CNKSR2: variants seen among roughly 807,000 people sequenced by gnomAD.
CNKSR2 encodes connector enhancer of kinase suppressor of Ras 2.
CNKSR2 carries 14 observed loss-of-function variants against 84.4 expected under a neutral mutation model. The ratio of observed to expected loss-of-function variants is 0.17; its 90% confidence interval spans 0.11 to 0.26. CNKSR2 has a LOEUF of 0.26. Ranked by LOEUF, CNKSR2 falls within the 10% of genes least tolerant of loss-of-function variation. CNKSR2 has a pLI of 1.00. For missense variants in CNKSR2, 485 were observed against 771.2 expected, an observed-to-expected ratio of 0.63 and a Z score of 4.40; for synonymous variants, 275 against 277.9, an observed-to-expected ratio of 0.99 and a Z score of 0.10.
At chrX:21,590,961 A>G in intron 14 of CNKSR2, 61 bp from the exon 15 acceptor site, 4 of 1,001,164 alleles carry the variant, frequency 4.0e-6, no homozygotes, top group Non-Finnish European at 5.4e-6. Context: ...TTTGGTATCT[A>G]TAGATTAATC....
intron 5 of CNKSR2, among the ~76,000 whole-genome samples, chrX:21,481,020 A>T (rs909565289): frequency 8.9e-6 from 1 of 112,073 alleles, no homozygotes. Context: ...AGTTTTTAAC[A>T]TCTTTGTGCC....
chrX:21,387,662 G>A (rs774504480), intron 1 of CNKSR2, among the ~76,000 whole-genome samples: 4 of 110,792 alleles, frequency 3.6e-5, no homozygotes, highest in Admixed American at 9.6e-5. Context: ...ACACATTGTA[G>A]TCTAGCTCAT....
At chrX:21,443,383 A>G (rs1159674010) in intron 4 of CNKSR2, among the ~76,000 whole-genome samples, 1 of 111,658 alleles carries the variant, frequency 9.0e-6, no homozygotes, top group East Asian at 2.8e-4. Flanking sequence ...GGAAAAATTC[A>G]AACATGTTAA....
At chrX:21,642,793 AAAG>A (rs2092695819) in intron 20 of CNKSR2, 1 of 725,087 alleles carries the variant, frequency 1.4e-6, no homozygotes, top group East Asian at 1.5e-4. Context: ...ATCTTTCTAA[AAAG>A]AAGTAATCAG....
intron 1 of CNKSR2, among the ~76,000 whole-genome samples, chrX:21,413,889 G>T (rs1291445887): frequency 1.8e-5 from 2 of 110,217 alleles, no homozygotes; most frequent in Non-Finnish European, 3.8e-5. Flanking sequence ...TGGCTATTGT[G>T]AACAGAACTG....
intron 5 of CNKSR2, among the ~76,000 whole-genome samples, chrX:21,488,605 G>A (rs941481460): frequency 9.0e-6 from 1 of 111,539 alleles, no homozygotes; most frequent in Admixed American, 9.5e-5. Context: ...CACAATTAGC[G>A]AAATTTAGCA....
In CNKSR2 at chrX:21,508,332, A is replaced by G. The variant is rs770421843; in HGVS notation, c.810+6744A>G. ...GCAACAGAGTGAGACTCTGTCTCAAAAAAAGAAAAACCTGTATTATTATGG... is the reference window on the plus strand; with the variant it reads ...GCAACAGAGTGAGACTCTGTCTCAAGAAAAGAAAAACCTGTATTATTATGG... On this transcript the variant is annotated intron_variant, in intron 8 of 21. Transcript: ENST00000379510. Among the ~76,000 whole-genome samples the G allele has an allele frequency of 6.2e-5, 7 of 112,190 alleles. No individual in the cohort carries two copies. In the Admixed American group the frequency reaches 6.6e-4, roughly 11 times the overall value.
intron 1 of CNKSR2, among the ~76,000 whole-genome samples, chrX:21,382,212 A>G (rs1405385942): frequency 8.9e-6 from 1 of 112,048 alleles, no homozygotes; most frequent in Non-Finnish European, 1.9e-5. Context: ...AGAATACAGT[A>G]GAAGTAGGGT....
intron 8 of CNKSR2, among the ~76,000 whole-genome samples, chrX:21,508,994 C>G (rs1353548412): frequency 8.9e-6 from 1 of 112,011 alleles, no homozygotes; most frequent in African/African-American, 3.2e-5. Flanking sequence ...AAAGTGCTAG[C>G]TTCTTGTAGT....
intron 5 of CNKSR2, among the ~76,000 whole-genome samples, chrX:21,479,695 C>T (rs2091296336): frequency 9.0e-6 from 1 of 111,104 alleles, no homozygotes; most frequent in African/African-American, 3.3e-5. Context: ...CTTCCCAAGG[C>T]TGAGAAGGTG....
chrX:21,400,674 GAT>G, intron 1 of CNKSR2, among the ~76,000 whole-genome samples: 1 of 110,730 alleles, frequency 9.0e-6, no homozygotes, highest in East Asian at 2.8e-4. Flanking sequence ...ACCTAAGAAA[GAT>G]ACATTTTATT....
chrX:21,597,201 A>G (rs1268933440), intron 17 of CNKSR2, among the ~76,000 whole-genome samples: 1 of 111,985 alleles, frequency 8.9e-6, no homozygotes, highest in Non-Finnish European at 1.9e-5. Context: ...TTTATGAACT[A>G]TAAAATCCTT....
intron 20 of CNKSR2, chrX:21,642,027 T>C (rs2092693262): frequency 1.3e-6 from 1 of 757,916 alleles, no homozygotes; most frequent in Non-Finnish European, 1.6e-6. Context: ...ATTCTGGCTG[T>C]TTAATGGACT....
intron 20 of CNKSR2, chrX:21,643,628 G>GTT (rs201906266): frequency 9.0e-6 from 1 of 111,273 alleles, no homozygotes; most frequent in African/African-American, 3.3e-5. Context: ...AAGAGAAGGG[G>GTT]TTTTTTCTCA....
chrX:21,598,791 G>A (rs955810230), intron 17 of CNKSR2, among the ~76,000 whole-genome samples: 1 of 112,646 alleles, frequency 8.9e-6, no homozygotes, highest in African/African-American at 3.2e-5. Context: ...CATGAAGGCA[G>A]GCACTTTGTT....
At chrX:21,551,162 C>A (rs1245280790) in intron 11 of CNKSR2, among the ~76,000 whole-genome samples, 1 of 110,004 alleles carries the variant, frequency 9.1e-6, no homozygotes, top group Admixed American at 9.7e-5. Flanking sequence ...GGGAGTTGAA[C>A]AATGAAAACA....
chrX:21,579,557 A>T (rs914224165), intron 13 of CNKSR2, among the ~76,000 whole-genome samples: 5 of 112,462 alleles, frequency 4.4e-5, no homozygotes, highest in African/African-American at 1.6e-4. Flanking sequence ...GCATTTTAAA[A>T]TAATGTCCTC....
At chrX:21,585,631 G>A (rs1396782728) in intron 13 of CNKSR2, among the ~76,000 whole-genome samples, 1 of 110,857 alleles carries the variant, frequency 9.0e-6, no homozygotes, top group East Asian at 2.8e-4. Context: ...GCTGATGAGT[G>A]ATAGATATCA....
intron 10 of CNKSR2, among the ~76,000 whole-genome samples, chrX:21,528,652 A>G (rs1417121366): frequency 9.0e-6 from 1 of 111,453 alleles, no homozygotes; most frequent in East Asian, 2.8e-4. Context: ...TGAAATTGAA[A>G]TATCAACATA....
Sources: gnomAD v4.1 joint callset for allele counts (sites outside exome capture counted in the v4.1 genomes callset) on GRCh38, gnomAD v4.1.1 for gene constraint, MANE v1.5 for transcripts, NCBI Gene and HGNC (gene_info 2026-07-23, HGNC 2026-07-21) for gene names.